Variants in ICAM1 observed in about 807,000 individuals in gnomAD.
ICAM1 encodes intercellular adhesion molecule 1.
Under a neutral mutation model 42.3 loss-of-function variants are expected in ICAM1, and 28 were observed. That is an observed-to-expected ratio of 0.66 (90% CI 0.49 to 0.91). The LOEUF is 0.91. Among genes scored for constraint, ICAM1 ranks in the 40% least tolerant of loss-of-function variants. The pLI is 0.00. For missense variants in ICAM1, 637 were observed against 688.6 expected (o/e 0.93, Z 0.84); for synonymous variants, 304 against 305.9 (o/e 0.99, Z 0.07).
chr19:10,282,000 C>A (rs1013949387), intron 2 of ICAM1, among the ~76,000 whole-genome samples: 6 of 151,980 alleles, frequency 3.9e-5, no homozygotes, highest in Non-Finnish European at 8.8e-5. Context: ...CCTCGGCCCC[C>A]CAAAGTGTTG....
At chr19:10,280,428 C>T (rs1419009241) in intron 2 of ICAM1, among the ~76,000 whole-genome samples, 1 of 152,082 alleles carries the variant, frequency 6.6e-6, no homozygotes, top group Non-Finnish European at 1.5e-5. Flanking sequence ...GGCTGGAGTG[C>T]AGTGGTACAA....
Position 10,284,082 on chromosome 19 carries a change from G to A in ICAM1, c.687G>A (p.Val229=). 1.2e-6 allele frequency: 2 copies of A among 1,614,024 alleles called. No individual in the cohort carries two copies. The highest frequency in any genetic ancestry group is 1.7e-6 in the Non-Finnish European group (2 of 1,180,000). The change falls in exon 4 of 7, where the codon GTG becomes GTA. Residue 229 remains valine, a synonymous_variant. Coordinates refer to ENST00000264832, the MANE Select transcript of ICAM1 (RefSeq NM_000201.3). This position sits in a 1 kb window ranked among gnomAD's most constrained non-coding sequence, Gnocchi z 5.4. The part of the protein sequence containing the change: ...PQLVSPRVLE[V]DTQGTVVCSL... ...TTGTCAGCCCCCGGGTCCTAGAGGTGGACACGCAGGGGACCGTGGTCTGTT... is the reference window on the plus strand; with the variant it reads ...TTGTCAGCCCCCGGGTCCTAGAGGTAGACACGCAGGGGACCGTGGTCTGTT...
Position 10,271,192 on chromosome 19 carries a change from C to G in ICAM1, c.33C>G (p.Pro11=). Residue 11 remains proline (P), a synonymous_variant, in exon 1 of 7, where the codon CCC becomes CCG. Transcript: ENST00000264832. MAPSSPRPAL[P]ALLVLLGALF... Reference sequence around the variant, plus strand: ...CCAGCAGCCCCCGGCCCGCGCTGCCCGCACTCCTGGTCCTGCTCGGGGCTC... The same window carrying G: ...CCAGCAGCCCCCGGCCCGCGCTGCCGGCACTCCTGGTCCTGCTCGGGGCTC... 1 of 1,613,392 alleles carries G rather than the reference C, an allele frequency of 6.2e-7. No individual in the cohort carries two copies. The highest frequency in any genetic ancestry group is 1.3e-5 in the African/African-American group (1 of 75,058).
chr19:10,278,621 A>T (rs1250349656), intron 2 of ICAM1, among the ~76,000 whole-genome samples: 1 of 126,904 alleles, frequency 7.9e-6, no homozygotes, highest in African/African-American at 3.1e-5. Context: ...GGATCACTGC[A>T]ACCTCCATCT....
Position 10,284,339 on chromosome 19 carries a change from G to A in ICAM1, c.925+19G>A, listed in dbSNP as rs55826664. On this transcript the variant is annotated intron_variant, in intron 4 of 6. Coordinates refer to ENST00000264832, the MANE Select transcript of ICAM1 (RefSeq NM_000201.3). This position sits in a 1 kb window ranked among gnomAD's most constrained non-coding sequence, Gnocchi z 5.4. Reference sequence around the variant, plus strand: ...ATCTACAGTAAGAAGGGGCAGGGGCGGAGTGGGGCTTCTTGGGGGTGTGAC... The same window carrying A: ...ATCTACAGTAAGAAGGGGCAGGGGCAGAGTGGGGCTTCTTGGGGGTGTGAC... 92 of 1,611,946 alleles carry A rather than the reference G, an allele frequency of 5.7e-5. No homozygotes were observed. In the East Asian group the frequency reaches 6.5e-4, roughly 11 times the overall value.
chr19:10,280,610 C>G (rs544889652), intron 2 of ICAM1, among the ~76,000 whole-genome samples: 2 of 151,764 alleles, frequency 1.3e-5, no homozygotes, highest in South Asian at 4.2e-4. Flanking sequence ...GCTCTTATTG[C>G]CCAGGCTGAA....
intron 1 of ICAM1, among the ~76,000 whole-genome samples, chr19:10,274,244 T>G (rs1397543341): frequency 6.6e-6 from 1 of 152,098 alleles, no homozygotes; most frequent in African/African-American, 2.4e-5. Flanking sequence ...CTGTCTATTC[T>G]ATCACCCTGT....
chr19:10,273,821 C>T (rs5030346), intron 1 of ICAM1, among the ~76,000 whole-genome samples: 36 of 151,966 alleles, frequency 2.4e-4, no homozygotes, highest in African/African-American at 6.5e-4. Flanking sequence ...TGAGAGCAGG[C>T]TGGCCGACGT....
intron 2 of ICAM1, among the ~76,000 whole-genome samples, chr19:10,276,610 T>TCCTA (rs1303592778): frequency 7.1e-6 from 1 of 140,176 alleles, no homozygotes; most frequent in African/African-American, 2.7e-5. Context: ...ACGTAGGAGG[T>TCCTA]CCTAGGACAG....
intron 2 of ICAM1, 130 bp downstream of exon 2, chr19:10,275,158 G>T: frequency 1.1e-6 from 1 of 889,042 alleles, no homozygotes; most frequent in Admixed American, 2.3e-5. Context: ...TTGCAGGGCA[G>T]GTGGGGACAT....
chr19:10,277,306 G>A (rs1238606469), intron 2 of ICAM1, among the ~76,000 whole-genome samples: 14 of 151,118 alleles, frequency 9.3e-5, no homozygotes, highest in Admixed American at 4.0e-4. Context: ...TCAGCCTCCC[G>A]ACTAGCTGGG....
chr19:10,277,915 C>G (rs555974669), intron 2 of ICAM1, among the ~76,000 whole-genome samples: 11 of 152,328 alleles, frequency 7.2e-5, no homozygotes, highest in African/African-American at 2.6e-4. Flanking sequence ...GAGCACTGGG[C>G]AGGCTAGGCA....
At chr19:10,274,065 C>T (rs905375107) in intron 1 of ICAM1, among the ~76,000 whole-genome samples, 8 of 151,986 alleles carry the variant, frequency 5.3e-5, no homozygotes, top group Admixed American at 1.3e-4. Flanking sequence ...TCAGTGCTCA[C>T]GGGATCTTCC....
In ICAM1 at chr19:10,285,207, C is replaced by T. The variant is rs202205823; in HGVS notation, c.1519C>T (p.Arg507Trp). 40 of 1,613,996 alleles carry T rather than the reference C, an allele frequency of 2.5e-5. No homozygotes were observed. In the South Asian group the frequency reaches 2.6e-4, roughly 11 times the overall value. Residue 507 changes from arginine (R) to tryptophan (W), a missense_variant, in exon 7 of 7, where the codon CGG becomes TGG. Arg to Trp is a moderately radical substitution (Grantham distance 101). Coordinates refer to ENST00000264832, the MANE Select transcript of ICAM1 (RefSeq NM_000201.3). ...GLSTYLYNRQ[R>W]KIKKYRLQQA... ...CAGCACGTACCTCTATAACCGCCAG[C>T]GGAAGATCAAGAAATACAGACTACA...
chr19:10,277,121 G>A (rs1293267369), intron 2 of ICAM1, among the ~76,000 whole-genome samples: 1 of 152,120 alleles, frequency 6.6e-6, no homozygotes, highest in African/African-American at 2.4e-5. Flanking sequence ...AATATTAGCT[G>A]GCTATGAGAA....
chr19:10,272,123 T>A (rs2039986082), intron 1 of ICAM1, among the ~76,000 whole-genome samples: 1 of 152,062 alleles, frequency 6.6e-6, no homozygotes, highest in African/African-American at 2.4e-5. Flanking sequence ...CCGTCTCTAC[T>A]AAAAATACAA....
At chr19:10,285,057 G>T (rs1324990997) in intron 6 of ICAM1, 29 bp downstream of exon 6, 1 of 1,613,180 alleles carries the variant, frequency 6.2e-7, no homozygotes, top group South Asian at 1.1e-5. Flanking sequence ...AGAGCTGGGT[G>T]GGGGCAGGGG....
chr19:10,279,106 G>T (rs76923681), intron 2 of ICAM1, among the ~76,000 whole-genome samples: 1,996 of 152,302 alleles, frequency 0.013, 18 homozygotes, highest in Non-Finnish European at 0.022. Flanking sequence ...GGTTAGAGGT[G>T]TAATTCCTAG....
chr19:10,285,135 A>G lies in ICAM1; in HGVS notation c.1447A>G (p.Ile483Val), dbSNP rs1371198155. Residue 483 changes from isoleucine to valine, a missense_variant, in exon 7 of 7, where the codon ATC becomes GTC. Coordinates refer to ENST00000264832, the MANE Select transcript of ICAM1 (RefSeq NM_000201.3). ...NVLSPRYEIV[I>V]ITVVAAAVIM... ...CACAGCCCCCCGGTATGAGATTGTCATCATCACTGTGGTAGCAGCCGCAGT... is the reference window on the plus strand; with the variant it reads ...CACAGCCCCCCGGTATGAGATTGTCGTCATCACTGTGGTAGCAGCCGCAGT... The G allele has an allele frequency of 3.7e-6, 6 of 1,614,126 alleles. No individual in the cohort carries two copies. In the South Asian group the frequency reaches 4.4e-5, roughly 12 times the overall value.
Sources: gnomAD v4.1 joint callset for allele counts (sites outside exome capture counted in the v4.1 genomes callset) on GRCh38, gnomAD v4.1.1 for gene constraint, Gnocchi (gnomAD v3.1) non-coding constraint, MANE v1.5 for transcripts, NCBI Gene and HGNC (gene_info 2026-07-23, HGNC 2026-07-21) for gene names.